The following HEMK2 variants were observed in gnomAD, a reference collection of about 807,000 sequenced individuals.
The protein encoded by HEMK2 is HemK methyltransferase 2, ETF1 glutamine and histone H4 lysine.
chr21:28,883,310 C>T, the HEMK2 span, among the ~76,000 whole-genome samples: 2 of 152,232 alleles, frequency 1.3e-5, no homozygotes, highest in Non-Finnish European at 2.9e-5. Flanking sequence ...TATTACCAAA[C>T]ATGGCTTTCA....
chr21:28,732,932 T>C, the HEMK2 span, among the ~76,000 whole-genome samples: 2 of 152,282 alleles, frequency 1.3e-5, no homozygotes, highest in South Asian at 2.1e-4. Flanking sequence ...CTGTGCAATA[T>C]TGAAGCTTCA....
At chr21:28,885,001 C>T in the HEMK2 span, among the ~76,000 whole-genome samples, 2 of 152,146 alleles carry the variant, frequency 1.3e-5, no homozygotes, top group Non-Finnish European at 2.9e-5. Flanking sequence ...GACAGAGCAG[C>T]CCCCTGGCAA....
At chr21:28,844,952 A>G in the HEMK2 span, among the ~76,000 whole-genome samples, 7 of 151,582 alleles carry the variant, frequency 4.6e-5, no homozygotes, top group Admixed American at 4.6e-4. Context: ...ATGTCTGTCT[A>G]TTGTTTTATT....
the HEMK2 span, among the ~76,000 whole-genome samples, chr21:28,755,931 A>G: frequency 2.6e-4 from 40 of 152,352 alleles, no homozygotes; most frequent in African/African-American, 8.4e-4. Flanking sequence ...GATATATTCT[A>G]GCACAAAAGG....
chr21:28,849,797 A>G, the HEMK2 span, among the ~76,000 whole-genome samples: 1 of 152,244 alleles, frequency 6.6e-6, no homozygotes. Context: ...CCAGTTCTCC[A>G]AAATTACTTA....
chr21:28,759,691 C>A, the HEMK2 span, among the ~76,000 whole-genome samples: 1 of 152,092 alleles, frequency 6.6e-6, no homozygotes, highest in Non-Finnish European at 1.5e-5. Flanking sequence ...CAGTTTCCCC[C>A]ACACTGTTCT....
the HEMK2 span, among the ~76,000 whole-genome samples, chr21:28,663,090 G>A: frequency 6.6e-6 from 1 of 152,118 alleles, no homozygotes; most frequent in Admixed American, 6.6e-5. Flanking sequence ...GTGAAAAAAC[G>A]AGAAGAGAAT....
the HEMK2 span, among the ~76,000 whole-genome samples, chr21:28,880,835 C>T: frequency 6.8e-6 from 1 of 147,088 alleles, no homozygotes; most frequent in East Asian, 2.1e-4. Context: ...TCTTGATATT[C>T]TAGCTTTTAT....
At chr21:28,863,038 G>C in the HEMK2 span, among the ~76,000 whole-genome samples, 1 of 152,092 alleles carries the variant, frequency 6.6e-6, no homozygotes, top group Admixed American at 6.5e-5. Flanking sequence ...GGTTAATACT[G>C]AGTGTCAACT....
the HEMK2 span, among the ~76,000 whole-genome samples, chr21:28,754,404 A>G: frequency 6.6e-6 from 1 of 152,218 alleles, no homozygotes; most frequent in Non-Finnish European, 1.5e-5. Context: ...AGGGTCTGAC[A>G]TTACTCAGCA....
chr21:28,765,507 T>A, the HEMK2 span, among the ~76,000 whole-genome samples: 1 of 152,134 alleles, frequency 6.6e-6, no homozygotes, highest in Non-Finnish European at 1.5e-5. Context: ...CTTACTGGCT[T>A]TTAGTCCTAA....
chr21:28,725,750 G>T, the HEMK2 span, among the ~76,000 whole-genome samples: 1 of 152,032 alleles, frequency 6.6e-6, no homozygotes, highest in African/African-American at 2.4e-5. Context: ...TTTATAATTT[G>T]GTCTTCAATT....
At chr21:28,711,241 C>A in the HEMK2 span, among the ~76,000 whole-genome samples, 1 of 152,186 alleles carries the variant, frequency 6.6e-6, no homozygotes, top group Non-Finnish European at 1.5e-5. Context: ...GAATGAGACG[C>A]TTTCATTATT....
chr21:28,792,949 T>C, the HEMK2 span, among the ~76,000 whole-genome samples: 1 of 152,194 alleles, frequency 6.6e-6, no homozygotes, highest in Non-Finnish European at 1.5e-5. Flanking sequence ...AGATAACCAC[T>C]GCACCAAAGA....
At chr21:28,643,525 T>TA in the HEMK2 span, among the ~76,000 whole-genome samples, 13 of 151,924 alleles carry the variant, frequency 8.6e-5, no homozygotes, top group Admixed American at 2.0e-4. Flanking sequence ...AGAAAAAAAT[T>TA]AAAAATTATC....
the HEMK2 span, among the ~76,000 whole-genome samples, chr21:28,689,225 G>A: frequency 6.6e-6 from 1 of 152,236 alleles, no homozygotes. Context: ...CCACTATAAA[G>A]AATATCCCGT....
chr21:28,781,500 G>C, the HEMK2 span, among the ~76,000 whole-genome samples: 181 of 152,166 alleles, frequency 1.2e-3, no homozygotes, highest in African/African-American at 4.2e-3. Context: ...CAGAACTTCA[G>C]AAAACTGTGA....
At chr21:28,841,086 T>A in the HEMK2 span, among the ~76,000 whole-genome samples, 4 of 32,886 alleles carry the variant, frequency 1.2e-4, no homozygotes, top group Admixed American at 5.9e-4. Context: ...TATTATATAT[T>A]ATATATATTA....
At chr21:28,662,210 GTGTAAAC>G in the HEMK2 span, among the ~76,000 whole-genome samples, 1 of 152,084 alleles carries the variant, frequency 6.6e-6, no homozygotes, top group Non-Finnish European at 1.5e-5. Context: ...ACGCTGATAC[GTGTAAAC>G]TGTACACTAC....
Sources: gnomAD v4.1 joint callset for allele counts (sites outside exome capture counted in the v4.1 genomes callset) on GRCh38, gnomAD v4.1.1 for gene constraint, MANE v1.5 for transcripts, NCBI Gene and HGNC (gene_info 2026-07-23, HGNC 2026-07-21) for gene names.